KIF26A: variants seen among roughly 807,000 people sequenced by gnomAD.
KIF26A encodes kinesin family member 26A.
Under a neutral mutation model 126.0 loss-of-function variants are expected in KIF26A, and 74 were observed. The observed-to-expected ratio is 0.59, with a 90% CI of 0.49 to 0.71. The LOEUF is 0.71. Among genes scored for constraint, KIF26A ranks in the 30% least tolerant of loss-of-function variants. The pLI is 0.00. For missense variants in KIF26A, 2,984 were observed against 2,763.3 expected (o/e 1.08, Z -1.79); for synonymous variants, 1,445 against 1,232.7 (o/e 1.17, Z -3.61).
intron 4 of KIF26A, among the ~76,000 whole-genome samples, chr14:104,165,498 T>C (rs1325046840): frequency 2.0e-5 from 3 of 147,788 alleles, no homozygotes; most frequent in Non-Finnish European, 4.5e-5. Flanking sequence ...CATGTGCATG[T>C]GTGTCTGTGT....
chr14:104,144,622 T>C (rs1225971790), intron 2 of KIF26A, among the ~76,000 whole-genome samples: 1 of 152,232 alleles, frequency 6.6e-6, no homozygotes, highest in Non-Finnish European at 1.5e-5. Flanking sequence ...CTAGTTCTTC[T>C]CTTCCTTTGC....
intron 5 of KIF26A, among the ~76,000 whole-genome samples, chr14:104,167,977 G>T (rs550067419): frequency 6.6e-6 from 1 of 152,184 alleles, no homozygotes; most frequent in Non-Finnish European, 1.5e-5. Context: ...AGGGGACGCT[G>T]TGCCCACGTT....
Position 104,175,168 on chromosome 14 carries a change from G to T in KIF26A, c.2380G>T (p.Gly794Trp), listed in dbSNP as rs1206241667. The T allele has an allele frequency of 1.9e-6, 3 of 1,606,674 alleles. No individual in the cohort carries two copies. The African/African-American group carries it at 4.0e-5, about 21-fold the overall frequency. The change falls in exon 12 of 15, where the codon GGG (glycine) becomes TGG (tryptophan). Residue 794 changes from glycine (G) to tryptophan (W), a missense_variant. By Grantham distance (184) the Gly-to-Trp change is radical. Coordinates refer to ENST00000423312, the MANE Select transcript of KIF26A (RefSeq NM_015656.2). ...GTCCTGTGACACGGTCATCTACGTG[G>T]GGCCCGGTGGGGCGGCGCTGTCAGA... The part of the protein sequence containing the change: ...EQSCDTVIYV[G>W]PGGAALSDRE...
Position 104,173,221 on chromosome 14 carries a change from C to A in KIF26A, c.1665C>A (p.Asp555Glu), listed in dbSNP as rs2037978442. Residue 555 changes from aspartate to glutamate, a missense_variant, in exon 8 of 15, where the codon GAC becomes GAA. Physicochemically the swap from Asp to Glu is conservative, Grantham distance 45 (BLOSUM62 2). Coordinates refer to ENST00000423312, the MANE Select transcript of KIF26A (RefSeq NM_015656.2). ...CTCCGGGAGTGTACCTGCGGGAGGA[C>A]CCCGTGTGTGGGGCGCAGGTGCGCC... is the stretch of plus-strand genomic sequence containing the variant. ...TQSPGVYLRE[D>E]PVCGAQLQNQ... 3.7e-6 allele frequency: 6 copies of A among 1,609,342 alleles called. No homozygotes were observed. Among genetic ancestry groups the A allele is most frequent in the South Asian group, 1.1e-5 (1 of 90,922 alleles).
chr14:104,144,983 T>G (rs530393803), intron 2 of KIF26A, among the ~76,000 whole-genome samples: 65 of 152,342 alleles, frequency 4.3e-4, no homozygotes, highest in South Asian at 1.0e-3. Flanking sequence ...CTGGGTGGTC[T>G]GGCCTCTGGA....
At chr14:104,158,298 C>T (rs1449052110) in intron 4 of KIF26A, among the ~76,000 whole-genome samples, 5 of 152,264 alleles carry the variant, frequency 3.3e-5, no homozygotes, top group African/African-American at 1.2e-4. Context: ...CAGCTGGGCT[C>T]TTCCTCATAG....
chr14:104,178,252 C>T (rs373421150), intron 12 of KIF26A, among the ~76,000 whole-genome samples: 40 of 152,264 alleles, frequency 2.6e-4, no homozygotes, highest in African/African-American at 7.0e-4. Flanking sequence ...GCCTCCCTGG[C>T]GAGTGTCGAG....
In KIF26A at chr14:104,174,882, C is replaced by G. The variant is rs528957001; in HGVS notation, c.2194-100C>G. On this transcript the variant is annotated intron_variant, in intron 11 of 14. Transcript: ENST00000423312. ...TGGTGGTGCCTGCTGTAGTTTTCAT[C>G]ACAGTGACCGCAGCATTGGCCCTGT... The G allele has an allele frequency of 4.8e-4, 622 of 1,285,550 alleles. 1 individual carries two copies. The African/African-American group carries it at 8.3e-3, about 17-fold the overall frequency. 79.6% of individuals were successfully genotyped at this position (1,285,550 alleles called of 1,614,324 possible). A position where few individuals can be genotyped will look rare whatever the true frequency, so the allele number is the denominator to read the frequency against.
chr14:104,147,566 G>T (rs1040980789), intron 2 of KIF26A, among the ~76,000 whole-genome samples: 1 of 152,188 alleles, frequency 6.6e-6, no homozygotes, highest in African/African-American at 2.4e-5. Context: ...GGGCAGCCAG[G>T]TGTGGCCAGC....
intron 7 of KIF26A, 80 bp from the exon 8 acceptor site, chr14:104,172,897 G>A: frequency 1.4e-6 from 2 of 1,452,200 alleles, no homozygotes; most frequent in Non-Finnish European, 1.8e-6. Context: ...GGTGCCCCTG[G>A]TTGGCCCCCG....
At position 104,172,683 on chromosome 14, in the gene KIF26A, C is replaced by G. The variant is rs757914246; in HGVS notation, c.1420+15C>G. ...CATGAGCCTGGGTAAGCACCCTTGCCCCACCCTAGATGGGTCCTGCTGGCC... is the reference window on the plus strand; with the variant it reads ...CATGAGCCTGGGTAAGCACCCTTGCGCCACCCTAGATGGGTCCTGCTGGCC... On this transcript the variant is annotated intron_variant, in intron 7 of 14. Coordinates refer to ENST00000423312, the MANE Select transcript of KIF26A (RefSeq NM_015656.2). 3.1e-6 allele frequency: 5 copies of G among 1,596,000 alleles called. No individual in the cohort carries two copies. Among genetic ancestry groups the G allele is most frequent in the South Asian group, 1.1e-5 (1 of 90,068 alleles).
In KIF26A at chr14:104,175,043, C is replaced by T. The variant is rs745753095; in HGVS notation, c.2255C>T (p.Pro752Leu). The change falls in exon 12 of 15, where the codon CCG becomes CTG. Residue 752 changes from proline to leucine, a missense_variant. Pro to Leu is a moderately conservative substitution (Grantham distance 98). Coordinates refer to ENST00000423312, the MANE Select transcript of KIF26A (RefSeq NM_015656.2). ...GAGGAAGGCCGGGCCCGTCGGCCCC[C>T]GCACCTGCGGCCCTTCCACCCACGC... ...SCEEGRARRP[P>L]HLRPFHPRTV... The T allele has an allele frequency of 2.7e-5, 43 of 1,571,576 alleles. No individual in the cohort carries two copies. Among genetic ancestry groups the T allele is most frequent in the Admixed American group, 7.3e-5 (4 of 54,762 alleles).
chr14:104,163,182 C>T lies in KIF26A; in HGVS notation c.924-3677C>T, dbSNP rs1466166172. ...GAGCAGACACTGGTGAAATCCAAGC[C>T]TCCTCCCACCTGTGCCCCCAAATGG... On this transcript the variant is annotated intron_variant, in intron 4 of 14. Transcript: ENST00000423312. 1.3e-5 allele frequency among the ~76,000 whole-genome samples: 2 copies of T among 152,114 alleles called. 1 individual carries two copies. Among genetic ancestry groups the T allele is most frequent in the Non-Finnish European group, 2.9e-5 (2 of 68,004 alleles).
At chr14:104,155,722 C>T (rs931711728) in intron 3 of KIF26A, among the ~76,000 whole-genome samples, 14 of 152,238 alleles carry the variant, frequency 9.2e-5, no homozygotes, top group African/African-American at 2.7e-4. Context: ...AGCCGAGGCG[C>T]GTGCCGGACT....
chr14:104,156,682 G>A (rs1002715393), intron 3 of KIF26A, among the ~76,000 whole-genome samples: 14 of 152,176 alleles, frequency 9.2e-5, no homozygotes, highest in African/African-American at 3.4e-4. Context: ...TGGGATGGCA[G>A]GGCCTCTGTC....
At position 104,152,918 on chromosome 14, in the gene KIF26A, G is replaced by A. The variant is rs568194850; in HGVS notation, c.735+457G>A. Reference sequence around the variant, plus strand: ...CGGCAGTTGCAATTGCTGGAGATGCGTTGCCTGCCCCTGTGGCACCCTGGG... The same window carrying A: ...CGGCAGTTGCAATTGCTGGAGATGCATTGCCTGCCCCTGTGGCACCCTGGG... On this transcript the variant is annotated intron_variant, in intron 3 of 14. Transcript: ENST00000423312. This position sits in a 1 kb window ranked among gnomAD's most constrained non-coding sequence, Gnocchi z 5.9. Among the ~76,000 whole-genome samples the A allele has an allele frequency of 3.3e-5, 5 of 152,240 alleles. No individual in the cohort carries two copies. The South Asian group carries it at 6.2e-4, about 19-fold the overall frequency.
intron 14 of KIF26A, 26 bp downstream of exon 14, chr14:104,179,412 A>T: frequency 2.7e-6 from 4 of 1,473,220 alleles, no homozygotes; most frequent in Non-Finnish European, 3.6e-6. Flanking sequence ...CCACGGACCC[A>T]GCCCGGCCCA....
chr14:104,165,764 CATGT>C (rs1397379134), intron 4 of KIF26A, among the ~76,000 whole-genome samples: 2 of 143,536 alleles, frequency 1.4e-5, no homozygotes, highest in Non-Finnish European at 3.1e-5. Flanking sequence ...TTTCTGTATG[CATGT>C]GTGTGACTGT....
At chr14:104,164,172 G>C (rs2037858969) in intron 4 of KIF26A, among the ~76,000 whole-genome samples, 1 of 152,142 alleles carries the variant, frequency 6.6e-6, no homozygotes, top group African/African-American at 2.4e-5. Flanking sequence ...GAGAGGCCGG[G>C]CCCGGCTCTG....
Sources: allele counts gnomAD v4.1 joint callset (sites outside exome capture counted in the v4.1 genomes callset), GRCh38; gene constraint gnomAD v4.1.1; non-coding constraint Gnocchi (gnomAD v3.1); transcripts MANE v1.5; gene names NCBI Gene and HGNC (gene_info 2026-07-23, HGNC 2026-07-21).